PRMT3: variants seen among roughly 807,000 people sequenced by gnomAD.
The protein encoded by PRMT3 is protein arginine methyltransferase 3, also known as protein arginine N-methyltransferase 3.
A neutral mutation model predicts 71.9 loss-of-function variants in PRMT3; 62 were observed. That is an observed-to-expected ratio of 0.86 (90% CI 0.70 to 1.07). The LOEUF is 1.07. Among genes scored for constraint, PRMT3 ranks in the 50% least tolerant of loss-of-function variants. The pLI, the probability that PRMT3 is intolerant of heterozygous loss-of-function variation, is 0.00. For missense variants in PRMT3, 663 were observed against 643.0 expected (o/e 1.03, Z -0.34); for synonymous variants, 213 against 220.4 (o/e 0.97, Z 0.30).
chr11:20,448,903 C>A (rs1301762379), intron 10 of PRMT3, among the ~76,000 whole-genome samples: 1 of 152,108 alleles, frequency 6.6e-6, no homozygotes, highest in Non-Finnish European at 1.5e-5. Context: ...GCGTAATTCT[C>A]CTTCCAGATG....
At chr11:20,420,165 C>G (rs528939202) in intron 9 of PRMT3, among the ~76,000 whole-genome samples, 1 of 151,978 alleles carries the variant, frequency 6.6e-6, no homozygotes, top group African/African-American at 2.4e-5. Context: ...GAGCAAGACT[C>G]TGTCTCAAAA....
At chr11:20,487,516 T>G (rs954134455) in intron 13 of PRMT3, among the ~76,000 whole-genome samples, 12 of 152,172 alleles carry the variant, frequency 7.9e-5, no homozygotes, top group African/African-American at 2.9e-4. Context: ...TTAAGAGTAT[T>G]AGGATAGGTC....
chr11:20,445,506 A>C (rs748169921), intron 10 of PRMT3, among the ~76,000 whole-genome samples: 5 of 152,114 alleles, frequency 3.3e-5, no homozygotes, highest in African/African-American at 4.8e-5. Context: ...TATATATGCT[A>C]GTTATATAAA....
intron 10 of PRMT3, among the ~76,000 whole-genome samples, chr11:20,451,242 C>T (rs1051047651): frequency 3.7e-4 from 56 of 151,762 alleles, no homozygotes; most frequent in African/African-American, 1.4e-3. Flanking sequence ...ACACCAGGAT[C>T]ATGTTTCATG....
intron 10 of PRMT3, among the ~76,000 whole-genome samples, chr11:20,444,454 C>T (rs1484009231): frequency 6.6e-6 from 1 of 152,156 alleles, no homozygotes; most frequent in African/African-American, 2.4e-5. Context: ...ACTGTTATAG[C>T]TGCATCCCAC....
chr11:20,493,902 CT>C lies in PRMT3; in HGVS notation c.1348-10del, dbSNP rs761404245. The C allele has an allele frequency of 1.3e-6, 2 of 1,529,080 alleles. No individual in the cohort carries two copies. Among genetic ancestry groups the C allele is most frequent in the Non-Finnish European group, 1.8e-6 (2 of 1,112,494 alleles). 94.7% of individuals were successfully genotyped at this position (1,529,080 alleles called of 1,614,324 possible). ...ATTCATTTAGTAAGCATTTATATTT[CT>C]TTTTTTAAAAAACAGGCAATTGCTG... On this transcript the variant is annotated splice_polypyrimidine_tract_variant and intron_variant, in intron 13 of 15. Transcript: ENST00000331079.
At chr11:20,479,394 C>T (rs1850874094) in intron 13 of PRMT3, among the ~76,000 whole-genome samples, 2 of 152,120 alleles carry the variant, frequency 1.3e-5, no homozygotes, top group African/African-American at 2.4e-5. Flanking sequence ...ATAAAATTCA[C>T]CCTATTTGCA....
intron 15 of PRMT3, among the ~76,000 whole-genome samples, chr11:20,495,791 G>C (rs186182681): frequency 3.5e-4 from 53 of 152,210 alleles, no homozygotes; most frequent in Middle Eastern, 3.4e-3. Context: ...AAAACCTCCT[G>C]AGAGTACAAA....
intron 10 of PRMT3, among the ~76,000 whole-genome samples, chr11:20,431,590 T>C (rs1849656052): frequency 6.6e-6 from 1 of 152,106 alleles, no homozygotes; most frequent in African/African-American, 2.4e-5. Context: ...AGGAAGAACA[T>C]TCTTAGGGCT....
At chr11:20,412,397 A>ACC (rs11325795) in intron 9 of PRMT3, among the ~76,000 whole-genome samples, 1 of 151,006 alleles carries the variant, frequency 6.6e-6, no homozygotes, top group East Asian at 2.0e-4. Flanking sequence ...TGTAGTCTGA[A>ACC]CCCCCCCCCC....
intron 7 of PRMT3, among the ~76,000 whole-genome samples, chr11:20,402,435 A>AT (rs542449722): frequency 8.8e-4 from 131 of 149,308 alleles, no homozygotes; most frequent in Non-Finnish European, 1.3e-3. Context: ...TTTTATTTCT[A>AT]TTTTTTTTTG....
At chr11:20,507,396 T>C (rs534495876) in intron 15 of PRMT3, among the ~76,000 whole-genome samples, 4 of 152,344 alleles carry the variant, frequency 2.6e-5, no homozygotes, top group African/African-American at 9.6e-5. Flanking sequence ...ATGCTTCCAT[T>C]GACCCTTTAT....
intron 13 of PRMT3, among the ~76,000 whole-genome samples, chr11:20,485,039 G>A (rs1481735671): frequency 6.6e-6 from 1 of 152,200 alleles, no homozygotes; most frequent in Admixed American, 6.5e-5. Context: ...GGAATACAAA[G>A]TGGGACCCTA....
chr11:20,489,352 T>A (rs183363351), intron 13 of PRMT3, among the ~76,000 whole-genome samples: 1 of 152,202 alleles, frequency 6.6e-6, no homozygotes, highest in African/African-American at 2.4e-5. Context: ...CAACAAGATA[T>A]ATACGTGAGA....
intron 13 of PRMT3, among the ~76,000 whole-genome samples, chr11:20,485,256 T>C (rs1338415725): frequency 2.6e-5 from 4 of 152,184 alleles, no homozygotes; most frequent in African/African-American, 7.2e-5. Flanking sequence ...TTCTAGAAGA[T>C]TATTACAGGT....
At chr11:20,397,992 A>T (rs1299996838) in intron 7 of PRMT3, among the ~76,000 whole-genome samples, 1 of 140,098 alleles carries the variant, frequency 7.1e-6, no homozygotes, top group Non-Finnish European at 1.5e-5. Context: ...TGGGCAATAC[A>T]GTGAGACCCT....
chr11:20,478,596 T>G (rs2133429029), intron 13 of PRMT3, among the ~76,000 whole-genome samples: 1 of 152,184 alleles, frequency 6.6e-6, no homozygotes, highest in Admixed American at 6.5e-5. Flanking sequence ...AATATTTAGC[T>G]TTGGATGGAA....
At chr11:20,424,491 G>C (rs1274981737) in intron 9 of PRMT3, among the ~76,000 whole-genome samples, 1 of 152,096 alleles carries the variant, frequency 6.6e-6, no homozygotes. Flanking sequence ...GTCCAACAAA[G>C]TTTTTTCAAC....
At chr11:20,392,716 C>T (rs1466895392) in intron 4 of PRMT3, among the ~76,000 whole-genome samples, 181 bp from the exon 5 acceptor site, 3 of 146,546 alleles carry the variant, frequency 2.0e-5, no homozygotes, top group East Asian at 2.1e-4. Flanking sequence ...TGCGTTGAAA[C>T]TGCTGGTTAA....
Sources: gnomAD v4.1 joint callset for allele counts (sites outside exome capture counted in the v4.1 genomes callset) on GRCh38, gnomAD v4.1.1 for gene constraint, MANE v1.5 for transcripts, NCBI Gene and HGNC (gene_info 2026-07-23, HGNC 2026-07-21) for gene names.